The following NEK5 variants were observed in gnomAD, a reference collection of about 807,000 sequenced individuals.
The protein encoded by NEK5 is NIMA related kinase 5, also known as serine/threonine-protein kinase Nek5.
NEK5 carries 88 observed loss-of-function variants against 109.2 expected under a neutral mutation model. The ratio of observed to expected loss-of-function variants is 0.81; its 90% CI spans 0.68 to 0.96. NEK5 has a LOEUF of 0.96. NEK5 is among the 40% of genes least tolerant of loss of function. The probability of loss-of-function intolerance (pLI) is 0.00; values close to 1 mark genes in which losing one functional copy is unlikely to be tolerated. For missense variants in NEK5, 834 were observed against 920.7 expected (o/e 0.91, Z 1.22); for synonymous variants, 283 against 299.9 (o/e 0.94, Z 0.58).
At chr13:52,060,053 C>T (rs1457906725) in intron 22 of NEK5, among the ~76,000 whole-genome samples, 2 of 152,068 alleles carry the variant, frequency 1.3e-5, no homozygotes, top group African/African-American at 4.8e-5. Context: ...GTAACTTTTT[C>T]TCCTCAAGTT....
At chr13:52,100,626 C>A (rs1446360474) in intron 11 of NEK5, among the ~76,000 whole-genome samples, 1 of 152,050 alleles carries the variant, frequency 6.6e-6, no homozygotes, top group Non-Finnish European at 1.5e-5. Context: ...GTAATCCCAG[C>A]AATTTGGGAG....
intron 4 of NEK5, among the ~76,000 whole-genome samples, chr13:52,113,244 T>A (rs570860903): frequency 2.0e-5 from 3 of 152,258 alleles, no homozygotes; most frequent in African/African-American, 4.8e-5. Context: ...GAAAAGAGAC[T>A]AGAAATTCTA....
At chr13:52,094,469 G>A (rs979791145) in intron 12 of NEK5, among the ~76,000 whole-genome samples, 11 of 152,318 alleles carry the variant, frequency 7.2e-5, no homozygotes, top group African/African-American at 2.6e-4. Flanking sequence ...TCACATATAT[G>A]TTAGATTGGA....
chr13:52,051,182 AT>A (rs894681826), intron 22 of NEK5, among the ~76,000 whole-genome samples: 18 of 148,806 alleles, frequency 1.2e-4, no homozygotes, highest in East Asian at 9.9e-4. Flanking sequence ...TGTTTCCAGA[AT>A]TTTTTTTTTC....
intron 9 of NEK5, among the ~76,000 whole-genome samples, chr13:52,103,869 A>G (rs2138021328): frequency 6.6e-6 from 1 of 152,302 alleles, no homozygotes; most frequent in South Asian, 2.1e-4. Flanking sequence ...GACCTCTGGG[A>G]AAAGACTCTT....
intron 23 of NEK5, among the ~76,000 whole-genome samples, chr13:52,049,424 AAATAAT>A (rs545167509): frequency 6.0e-4 from 91 of 151,560 alleles, no homozygotes; most frequent in Non-Finnish European, 1.0e-3. Flanking sequence ...GCTCTGTCTC[AAATAAT>A]AATAATAATA....
chr13:52,048,647 A>C (rs1205493733), intron 23 of NEK5, among the ~76,000 whole-genome samples: 1 of 152,244 alleles, frequency 6.6e-6, no homozygotes, highest in Non-Finnish European at 1.5e-5. Flanking sequence ...TCAGCTATTA[A>C]AAAGAAGGAA....
At chr13:52,069,664 T>C (rs1019965464) in intron 20 of NEK5, among the ~76,000 whole-genome samples, 4 of 152,194 alleles carry the variant, frequency 2.6e-5, no homozygotes, top group African/African-American at 9.7e-5. Flanking sequence ...TGCATTTGAA[T>C]TAGAAAACTG....
chr13:52,102,385 C>T (rs1370914694), intron 9 of NEK5, 93 bp from the exon 10 acceptor site: 14 of 1,002,188 alleles, frequency 1.4e-5, no homozygotes, highest in Non-Finnish European at 1.9e-5. Context: ...TACCAAGAAG[C>T]AAAACAATGT....
At chr13:52,056,641 T>G (rs1041885159) in intron 22 of NEK5, among the ~76,000 whole-genome samples, 50 of 148,872 alleles carry the variant, frequency 3.4e-4, no homozygotes, top group African/African-American at 1.2e-3. Flanking sequence ...GGATTAAGAA[T>G]CTCACTCAAA....
In NEK5 at chr13:52,065,608, C is replaced by A; in HGVS notation, c.1851G>T (p.Gly617=). Residue 617 remains glycine (G), a splice_region_variant and synonymous_variant, in exon 21 of 24, where the codon GGG becomes GGT. Transcript: ENST00000684899. The part of the protein sequence containing the change: ...AFEKLHCPEA[G]FSTQTVAAVG... ...CAGCAGCTACAGTCTGCGTGGAAAA[C>A]CCTGGGTGTAAGAAAACAACTCATT... is the stretch of plus-strand genomic sequence containing the variant. 6.2e-7 allele frequency: 1 copy of A among 1,611,076 alleles called. No individual in the cohort carries two copies. The highest frequency in any genetic ancestry group is 8.5e-7 in the Non-Finnish European group (1 of 1,177,398).
chr13:52,122,878 G>C (rs192824388), intron 3 of NEK5, among the ~76,000 whole-genome samples: 11 of 152,278 alleles, frequency 7.2e-5, no homozygotes, highest in Non-Finnish European at 1.6e-4. Flanking sequence ...TAGTGATTAA[G>C]AAAGAGGTTA....
chr13:52,104,428 T>A, intron 9 of NEK5, 70 bp downstream of exon 9: 1 of 1,091,000 alleles, frequency 9.2e-7, no homozygotes, highest in Admixed American at 1.7e-5. Flanking sequence ...TTAACCTTTT[T>A]CTCCCAGAAG....
At chr13:52,066,101 GA>G in intron 20 of NEK5, among the ~76,000 whole-genome samples, 1 of 151,414 alleles carries the variant, frequency 6.6e-6, no homozygotes, top group South Asian at 2.1e-4. Flanking sequence ...GCTTTGTTTT[GA>G]AACAAAAAAT....
At chr13:52,107,599 TA>T (rs572246305) in intron 8 of NEK5, among the ~76,000 whole-genome samples, 3,747 of 123,740 alleles carry the variant, frequency 0.03, 87 homozygotes, top group Admixed American at 0.1. Flanking sequence ...TCTCAAAAAA[TA>T]AAAAAAAAAA....
chr13:52,101,100 C>G (rs1042241822), intron 11 of NEK5, among the ~76,000 whole-genome samples: 4 of 152,130 alleles, frequency 2.6e-5, no homozygotes, highest in African/African-American at 9.7e-5. Context: ...GACACCAGGA[C>G]TAAAATAGTT....
chr13:52,081,626 T>G (rs556859911), intron 17 of NEK5, among the ~76,000 whole-genome samples: 1 of 152,322 alleles, frequency 6.6e-6, no homozygotes, highest in South Asian at 2.1e-4. Flanking sequence ...CAATAATCAT[T>G]CCTACTCACA....
chr13:52,077,930 C>G (rs1188866216), intron 17 of NEK5, among the ~76,000 whole-genome samples: 1 of 152,082 alleles, frequency 6.6e-6, no homozygotes, highest in Admixed American at 6.5e-5. Context: ...CAAAATTAGT[C>G]AGGCGTGGTG....
intron 17 of NEK5, among the ~76,000 whole-genome samples, chr13:52,077,269 G>C (rs1954885504): frequency 6.6e-6 from 1 of 152,196 alleles, no homozygotes; most frequent in Non-Finnish European, 1.5e-5. Context: ...AGCCAAGACA[G>C]AGTATCAGAA....
Sources: gnomAD v4.1 joint callset for allele counts (sites outside exome capture counted in the v4.1 genomes callset) on GRCh38, gnomAD v4.1.1 for gene constraint, MANE v1.5 for transcripts, NCBI Gene and HGNC (gene_info 2026-07-23, HGNC 2026-07-21) for gene names.